PKP4: variants seen among roughly 807,000 people sequenced by gnomAD.
PKP4 encodes plakophilin-4.
A neutral mutation model predicts 145.1 loss-of-function variants in PKP4; 90 were observed. That is an observed-to-expected ratio of 0.62 (90% CI 0.52 to 0.74). The LOEUF (loss-of-function observed/expected upper bound fraction) is 0.74, where lower values mean the gene tolerates loss of function less well. Among genes scored for constraint, PKP4 ranks in the 30% least tolerant of loss-of-function variants. The probability of loss-of-function intolerance (pLI) is 0.00; values close to 1 mark genes in which losing one functional copy is unlikely to be tolerated. For missense variants in PKP4, 1,340 were observed against 1,482.7 expected, an observed-to-expected ratio of 0.90 and a Z score of 1.58; for synonymous variants, 563 against 577.2, an observed-to-expected ratio of 0.98 and a Z score of 0.35.
At chr2:158,642,809 G>T in intron 11 of PKP4, 110 bp downstream of exon 11, 1 of 734,016 alleles carries the variant, frequency 1.4e-6, no homozygotes. Context: ...AATAGATAAT[G>T]AGATATATAT....
At position 158,642,635 on chromosome 2, in the gene PKP4, G is replaced by A. The variant is rs2054404226; in HGVS notation, c.1845G>A (p.Gly615=). 6.2e-6 allele frequency: 10 copies of A among 1,613,124 alleles called. No homozygotes were observed. Among genetic ancestry groups the A allele is most frequent in the Middle Eastern group, 1.7e-4 (1 of 6,054 alleles). The change falls in exon 11 of 22, where the codon GGG becomes GGA. Residue 615 remains glycine, a synonymous_variant. Transcript: ENST00000389759. ...AAATAGCAATGAAGAATGTTGGTGG[G>A]ATACCTGCCTTGTTGCGACTGTTGA... ...ENKIAMKNVG[G]IPALLRLLRK... is the part of the protein sequence containing the mutation.
chr2:158,615,364 T>C (rs1425979394), intron 4 of PKP4, among the ~76,000 whole-genome samples: 1 of 152,134 alleles, frequency 6.6e-6, no homozygotes, highest in Non-Finnish European at 1.5e-5. Flanking sequence ...CTCAGCCATT[T>C]ATGAAGCCTG....
chr2:158,587,895 A>AT (rs1170412375), intron 3 of PKP4, among the ~76,000 whole-genome samples: 1 of 151,520 alleles, frequency 6.6e-6, no homozygotes, highest in Non-Finnish European at 1.5e-5. Context: ...CATATATATT[A>AT]ACACCTGTGT....
At chr2:158,529,330 A>G (rs1487833219) in intron 1 of PKP4, among the ~76,000 whole-genome samples, 1 of 152,228 alleles carries the variant, frequency 6.6e-6, no homozygotes, top group Non-Finnish European at 1.5e-5. Context: ...CTGCCTGTCA[A>G]CATTGGATTT....
intron 2 of PKP4, among the ~76,000 whole-genome samples, chr2:158,570,857 G>A (rs991684414): frequency 6.6e-6 from 1 of 152,126 alleles, no homozygotes; most frequent in Non-Finnish European, 1.5e-5. Flanking sequence ...ATAGGTCAGA[G>A]GAGAAAGAAA....
intron 2 of PKP4, among the ~76,000 whole-genome samples, chr2:158,550,979 T>C (rs2045571764): frequency 6.6e-6 from 1 of 152,258 alleles, no homozygotes. Flanking sequence ...TGTTTTTTAA[T>C]ATAAAATATG....
chr2:158,556,900 A>G (rs1422488148), intron 2 of PKP4, among the ~76,000 whole-genome samples: 2 of 152,186 alleles, frequency 1.3e-5, no homozygotes, highest in Admixed American at 6.5e-5. Context: ...TATTATTTTT[A>G]AGAGATTATT....
intron 1 of PKP4, among the ~76,000 whole-genome samples, chr2:158,476,488 G>C (rs758113892): frequency 4.6e-5 from 7 of 151,922 alleles, no homozygotes; most frequent in Non-Finnish European, 1.0e-4. Context: ...ACACCACCCT[G>C]CCTGGCTAAT....
intron 9 of PKP4, among the ~76,000 whole-genome samples, chr2:158,636,424 G>T (rs1392313346): frequency 6.6e-6 from 1 of 152,016 alleles, no homozygotes; most frequent in South Asian, 2.1e-4. Context: ...TATGTAATGT[G>T]TCTTTTCTTT....
chr2:158,678,454 C>T lies in PKP4; in HGVS notation c.3257-127C>T, dbSNP rs1445020494. On this transcript the variant is annotated intron_variant, in intron 20 of 21. Transcript: ENST00000389759. ...CCCTGAGCTGCTACCTCTCCCAGCC[C>T]GCATTGGCACTGGGGAAGACAGGCC... is the stretch of plus-strand genomic sequence containing the variant. 1.1e-4 allele frequency: 75 copies of T among 702,592 alleles called. No homozygotes were observed. In the East Asian group the frequency reaches 1.7e-3, roughly 16 times the overall value. 43.5% of individuals were successfully genotyped at this position (702,592 alleles called of 1,614,324 possible).
rs180969198 is a variant in PKP4 at position 158,631,781 on chromosome 2, T to C, written c.1182T>C (p.His394=). 7.4e-6 allele frequency: 12 copies of C among 1,614,156 alleles called. No individual in the cohort carries two copies. The African/African-American group carries it at 8.0e-5, about 11-fold the overall frequency. ...TGLRSSYASQ[H]SQLGQDLRSA... Reference sequence around the variant, plus strand: ...TACGGAGTTCCTATGCTAGTCAGCATAGTCAGCTTGGGCAAGACCTTCGTT... The same window carrying C: ...TACGGAGTTCCTATGCTAGTCAGCACAGTCAGCTTGGGCAAGACCTTCGTT... The change falls in exon 8 of 22, where the codon CAT becomes CAC. Residue 394 remains histidine, a synonymous_variant. Transcript: ENST00000389759.
intron 1 of PKP4, among the ~76,000 whole-genome samples, chr2:158,481,691 T>C (rs557093629): frequency 2.1e-3 from 313 of 152,356 alleles, no homozygotes; most frequent in Admixed American, 3.5e-3. Flanking sequence ...ATGTCTTCTT[T>C]GGAGAAATAT....
In PKP4 at chr2:158,680,557, T is replaced by C. The variant is rs2058375015; in HGVS notation, c.3459T>C (p.Ser1153=). The change falls in exon 22 of 22, where the codon TCT becomes TCC. Residue 1153 remains serine (S), a synonymous_variant. Transcript: ENST00000389759. ...YFDDRVHFPA[S]TDYSTQYGLK... is the part of the protein sequence containing the mutation. ...ATGACCGAGTTCACTTTCCAGCTTC[T>C]ACTGATTACTCAACACAGTATGGAC... 6.2e-7 allele frequency: 1 copy of C among 1,614,046 alleles called. No homozygotes were observed. Among genetic ancestry groups the C allele is most frequent in the Admixed American group, 1.7e-5 (1 of 60,006 alleles).
At chr2:158,674,100 C>CT in intron 19 of PKP4, 100 bp downstream of exon 19, 1 of 780,558 alleles carries the variant, frequency 1.3e-6, no homozygotes, top group Non-Finnish European at 2.4e-6. Context: ...AGCCTGTCAT[C>CT]TCCAACACTA....
Position 158,661,429 on chromosome 2 carries a change from C to T in PKP4, c.2190C>T (p.Asn730=). 3 of 1,611,138 alleles carry T rather than the reference C, an allele frequency of 1.9e-6. No homozygotes were observed. The highest frequency in any genetic ancestry group is 1.7e-6 in the Non-Finnish European group (2 of 1,177,420). Residue 730 remains asparagine, a synonymous_variant, in exon 13 of 22, where the codon AAC becomes AAT. Transcript: ENST00000389759. ...SLLYVIHTCV[N]TSDYDSKTVE... ...TGTATGTGATCCACACGTGTGTGAA[C>T]ACATCCGATTACGACAGCAAGGTCA...
chr2:158,656,489 G>A (rs1353423624), intron 11 of PKP4, among the ~76,000 whole-genome samples: 1 of 152,166 alleles, frequency 6.6e-6, no homozygotes, highest in Non-Finnish European at 1.5e-5. Flanking sequence ...GCCTGATTCA[G>A]AACTGTCTTA....
chr2:158,463,647 T>C (rs1444959150), intron 1 of PKP4, among the ~76,000 whole-genome samples: 1 of 152,044 alleles, frequency 6.6e-6, no homozygotes, highest in East Asian at 1.9e-4. Flanking sequence ...AATGAGGGAG[T>C]TGGTCTAGAT....
At chr2:158,665,411 CTTA>C (rs1454616540) in intron 15 of PKP4, among the ~76,000 whole-genome samples, 1 of 152,158 alleles carries the variant, frequency 6.6e-6, no homozygotes, top group Non-Finnish European at 1.5e-5. Context: ...ATCTTTCCCT[CTTA>C]TTTGTATTAT....
intron 7 of PKP4, among the ~76,000 whole-genome samples, chr2:158,626,844 G>A (rs941454477): frequency 3.3e-5 from 5 of 152,046 alleles, no homozygotes; most frequent in East Asian, 1.9e-4. Flanking sequence ...TTTATAATTC[G>A]TGAAAGCTTT....
Sources: gnomAD v4.1 joint callset for allele counts (sites outside exome capture counted in the v4.1 genomes callset) on GRCh38, gnomAD v4.1.1 for gene constraint, MANE v1.5 for transcripts, NCBI Gene and HGNC (gene_info 2026-07-23, HGNC 2026-07-21) for gene names.